DOP1A: variants seen among roughly 807,000 people sequenced by gnomAD.
DOP1A encodes the protein DOP1 leucine zipper like protein A, also known as protein DOP1A.
Under a neutral mutation model 267.6 loss-of-function variants are expected in DOP1A, and 90 were observed. The ratio of observed to expected loss-of-function variants is 0.34; its 90% CI spans 0.28 to 0.40. The LOEUF (loss-of-function observed/expected upper bound fraction) is 0.40, where lower values mean the gene tolerates loss of function less well. DOP1A is among the 10% of genes least tolerant of loss of function. The pLI is 1.00. For missense variants in DOP1A, 2,437 were observed against 2,900.4 expected (o/e 0.84, Z 3.67); for synonymous variants, 932 against 999.1 (o/e 0.93, Z 1.27).
chr6:83,088,836 A>G (rs887581526), intron 1 of DOP1A, among the ~76,000 whole-genome samples: 2 of 152,208 alleles, frequency 1.3e-5, no homozygotes, highest in Admixed American at 6.5e-5. Context: ...CAACATTGGA[A>G]CCTAGAACTG....
At chr6:83,101,687 T>A (rs1416932599) in intron 4 of DOP1A, among the ~76,000 whole-genome samples, 2 of 152,178 alleles carry the variant, frequency 1.3e-5, no homozygotes, top group Non-Finnish European at 2.9e-5. Flanking sequence ...CCTTCTTATA[T>A]TTTCACTTTG....
intron 1 of DOP1A, among the ~76,000 whole-genome samples, chr6:83,083,338 A>G (rs1371904017): frequency 1.3e-5 from 2 of 151,862 alleles, no homozygotes; most frequent in Non-Finnish European, 2.9e-5. Flanking sequence ...AGAAATCTAT[A>G]TAGCCGGAAA....
chr6:83,168,009 C>T lies in DOP1A; in HGVS notation c.7240C>T (p.Arg2414Ter). Residue 2414 changes from arginine to a stop codon, truncating the protein, a stop_gained, in exon 39 of 39, where the codon CGA becomes TGA. Coordinates refer to ENST00000349129, the MANE Select transcript of DOP1A (RefSeq NM_015018.4). LOFTEE classifies it high-confidence loss of function. ...AGTCTTCAACAGCAAAGTCACAAGC[C>T]GATGTGGAGGACACTCAGGGAGTCC... ...SQVFNSKVTS[R>*]CGGHSGSPIL... The T allele has an allele frequency of 6.2e-7, 1 of 1,614,156 alleles. No homozygotes were observed. Among genetic ancestry groups the T allele is most frequent in the Non-Finnish European group, 8.5e-7 (1 of 1,180,032 alleles).
At chr6:83,093,121 C>T (rs973800790) in intron 1 of DOP1A, among the ~76,000 whole-genome samples, 2 of 152,158 alleles carry the variant, frequency 1.3e-5, no homozygotes, top group Non-Finnish European at 2.9e-5. Context: ...AATAAACTAT[C>T]TTATTTTGTT....
At chr6:83,137,106 T>A in intron 20 of DOP1A, 67 bp from the exon 21 acceptor site, 1 of 1,395,978 alleles carries the variant, frequency 7.2e-7, no homozygotes, top group Non-Finnish European at 9.6e-7. Flanking sequence ...CAGTCTACAT[T>A]TCTACATTTC....
At chr6:83,135,901 C>A (rs1778797726) in intron 20 of DOP1A, 23 bp downstream of exon 20, 7 of 1,608,372 alleles carry the variant, frequency 4.4e-6, no homozygotes, top group Non-Finnish European at 4.2e-6. Context: ...TAGAAGTAGA[C>A]AGCTTTATTT....
intron 35 of DOP1A, 88 bp downstream of exon 35, chr6:83,157,406 T>A: frequency 7.2e-7 from 1 of 1,393,458 alleles, no homozygotes; most frequent in Admixed American, 1.8e-5. Context: ...TTAACGAATA[T>A]TGGGAGAGAA....
chr6:83,104,667 AATTT>A (rs968498141), intron 4 of DOP1A, among the ~76,000 whole-genome samples: 14 of 152,060 alleles, frequency 9.2e-5, no homozygotes, highest in African/African-American at 2.9e-4. Flanking sequence ...GGACTATTCA[AATTT>A]ATTTATGTCA....
intron 24 of DOP1A, among the ~76,000 whole-genome samples, chr6:83,145,204 A>AATATATATATATAATATATATATAT (rs1252551351): frequency 1.5e-3 from 1 of 646 alleles, no homozygotes; most frequent in African/African-American, 5.5e-3. Context: ...ATATATATAT[A>AATATATATATATAATATATATATAT]ATAATATATA....
At chr6:83,079,808 A>G (rs1767767937) in intron 1 of DOP1A, among the ~76,000 whole-genome samples, 1 of 152,174 alleles carries the variant, frequency 6.6e-6, no homozygotes, top group Non-Finnish European at 1.5e-5. Flanking sequence ...AAATAAAGAT[A>G]CTTTGAGAAA....
chr6:83,141,486 G>A (rs1306523380), intron 23 of DOP1A, among the ~76,000 whole-genome samples: 1 of 152,308 alleles, frequency 6.6e-6, no homozygotes, highest in South Asian at 2.1e-4. Flanking sequence ...AGTGGGAAAA[G>A]GGTAAGGGTG....
chr6:83,164,565 A>G (rs1427203645), intron 38 of DOP1A: 2 of 1,171,752 alleles, frequency 1.7e-6, no homozygotes, highest in Non-Finnish European at 2.5e-6. Context: ...ATTGAAAGGC[A>G]TCTTCCCATC....
chr6:83,140,635 C>T (rs531600339), intron 23 of DOP1A, among the ~76,000 whole-genome samples: 1 of 152,106 alleles, frequency 6.6e-6, no homozygotes, highest in Non-Finnish European at 1.5e-5. Context: ...ACTATCACCC[C>T]AGTCCAATTT....
chr6:83,137,955 A>G lies in DOP1A; in HGVS notation c.3913A>G (p.Lys1305Glu). 1 of 1,605,438 alleles carries G rather than the reference A, an allele frequency of 6.2e-7. No homozygotes were observed. Among genetic ancestry groups the G allele is most frequent in the East Asian group, 2.2e-5 (1 of 44,810 alleles). The part of the protein sequence containing the change: ...GAKPKVKLAR[K>E]KDDDKKKSSN... ...AAAACCTAAAGTAAAACTTGCCAGAAAAAAGGATGATGACAAGAAAAAATC... is the reference window on the plus strand; with the variant it reads ...AAAACCTAAAGTAAAACTTGCCAGAGAAAAGGATGATGACAAGAAAAAATC... Residue 1305 changes from lysine to glutamate, a missense_variant, in exon 21 of 39, where the codon AAA becomes GAA. This residue lies in a region of DOP1A where 878 missense variants were observed against 992.9 expected (regional missense o/e 0.88). Transcript: ENST00000349129.
chr6:83,077,825 G>C (rs1767378224), intron 1 of DOP1A, among the ~76,000 whole-genome samples: 1 of 152,186 alleles, frequency 6.6e-6, no homozygotes, highest in South Asian at 2.1e-4. Context: ...ATTGTCTCAG[G>C]CCACACATAA....
Position 83,138,184 on chromosome 6 carries a change from CTTTGT to C in DOP1A, c.4143_4147del (p.Leu1382CysfsTer12). ...CTCCAGTTGTATGATTCATCCAGGACTTTGTATGCTTTCTCTGCCATCAAAGCCAT... is the reference window on the plus strand; with the variant it reads ...CTCCAGTTGTATGATTCATCCAGGACATGCTTTCTCTGCCATCAAAGCCAT... On this transcript the variant is annotated frameshift_variant, in exon 21 of 39. Coordinates refer to ENST00000349129, the MANE Select transcript of DOP1A (RefSeq NM_015018.4). LOFTEE classifies it high-confidence loss of function. 1 of 1,613,890 alleles carries C rather than the reference CTTTGT, an allele frequency of 6.2e-7. No individual in the cohort carries two copies. The highest frequency in any genetic ancestry group is 8.5e-7 in the Non-Finnish European group (1 of 1,179,902).
At position 83,162,984 on chromosome 6, in the gene DOP1A, T is replaced by C. The variant is rs531546271; in HGVS notation, c.7092+65T>C. 2.5e-5 allele frequency: 38 copies of C among 1,493,470 alleles called. 1 individual carries two copies. The South Asian group carries it at 5.0e-4, about 20-fold the overall frequency. The allele number at this position is 1,493,470 out of a possible 1,614,324, so 92.5% of individuals were successfully genotyped here. A position where few individuals can be genotyped will look rare whatever the true frequency, so the allele number is the denominator to read the frequency against. On this transcript the variant is annotated intron_variant, in intron 38 of 38. Coordinates refer to ENST00000349129, the MANE Select transcript of DOP1A (RefSeq NM_015018.4). ...ACATGTTGCATTAGTGAGGTATTTA[T>C]TAAATACTTCCTGGGAAACTGAGAA...
intron 17 of DOP1A, 39 bp downstream of exon 17, chr6:83,130,436 C>T (rs779009288): frequency 7.0e-6 from 11 of 1,576,154 alleles, no homozygotes; most frequent in Admixed American, 1.8e-5. Flanking sequence ...ATGATGATTA[C>T]AGCCATGTAT....
Position 83,120,834 on chromosome 6 carries a change from TTTGTG to T in DOP1A, c.1099+46_1099+50del, listed in dbSNP as rs537302178. The stretch of plus-strand genomic sequence containing the variant: ...AGGGCATAAGGTCATGTGTGGTACT[TTTGTG>T]TTAATAAGAAAATAAAAAGAGTCAT... On this transcript the variant is annotated intron_variant, in intron 10 of 38. Transcript: ENST00000349129. 236 of 1,337,382 alleles carry T rather than the reference TTTGTG, an allele frequency of 1.8e-4. 1 individual carries two copies. The highest frequency in any genetic ancestry group is 2.2e-4 in the Non-Finnish European group (217 of 997,054). The allele number at this position is 1,337,382 out of a possible 1,614,324, so 82.8% of individuals were successfully genotyped here.
Sources: allele counts gnomAD v4.1 joint callset (sites outside exome capture counted in the v4.1 genomes callset), GRCh38; gene constraint gnomAD v4.1.1; regional missense constraint gnomAD v4.1.1; transcripts MANE v1.5; gene names NCBI Gene and HGNC (gene_info 2026-07-23, HGNC 2026-07-21).